Variants in MAGI3 observed in about 807,000 individuals in gnomAD.
MAGI3 encodes membrane-associated guanylate kinase, WW and PDZ domain-containing protein 3.
Under a neutral mutation model 121.8 loss-of-function variants are expected in MAGI3, and 43 were observed. The observed-to-expected ratio is 0.35, with a 90% CI of 0.28 to 0.46. MAGI3 has a LOEUF of 0.46. Ranked by LOEUF, MAGI3 falls within the 20% of genes least tolerant of loss-of-function variation. MAGI3 has a pLI of 1.00. For synonymous variants in MAGI3, 553 were observed against 639.3 expected (o/e 0.86, Z 2.04); for missense variants, 1,547 against 1,797.3 (o/e 0.86, Z 2.52).
At chr1:113,596,928 T>C (rs1288540993) in intron 6 of MAGI3, among the ~76,000 whole-genome samples, 1 of 152,128 alleles carries the variant, frequency 6.6e-6, no homozygotes, top group African/African-American at 2.4e-5. Flanking sequence ...CTTAAAAGGT[T>C]AAATATAAAT....
chr1:113,544,943 A>G (rs549985189), intron 1 of MAGI3, among the ~76,000 whole-genome samples: 2 of 152,336 alleles, frequency 1.3e-5, no homozygotes, highest in Admixed American at 1.3e-4. Flanking sequence ...ATGGAGTATC[A>G]TTCACTTTAA....
At position 113,507,684 on chromosome 1, in the gene MAGI3, T is replaced by C. The variant is rs559628975; in HGVS notation, c.317-41831T>C. Among the ~76,000 whole-genome samples, 10 of 152,356 alleles carry C rather than the reference T, an allele frequency of 6.6e-5. No homozygotes were observed. The South Asian group carries it at 2.1e-3, about 32-fold the overall frequency. ...AATATGGTCATTGTATTACCTTATC[T>C]TTGTATCCTCAGTGCCCACATAGCA... On this transcript the variant is annotated intron_variant, in intron 1 of 20. Transcript: ENST00000307546.
At chr1:113,675,410 C>T (rs1647810865) in intron 19 of MAGI3, among the ~76,000 whole-genome samples, 1 of 152,080 alleles carries the variant, frequency 6.6e-6, no homozygotes, top group Non-Finnish European at 1.5e-5. Context: ...ATCTGTACTA[C>T]GAAAACCATC....
At chr1:113,437,860 CTT>C (rs1653678440) in intron 1 of MAGI3, among the ~76,000 whole-genome samples, 3 of 47,016 alleles carry the variant, frequency 6.4e-5, no homozygotes, top group Non-Finnish European at 8.1e-5. Context: ...TCTTCTTCTT[CTT>C]CCTCTTCTTC....
At chr1:113,657,564 G>A (rs561640555) in intron 15 of MAGI3, among the ~76,000 whole-genome samples, 139 of 152,326 alleles carry the variant, frequency 9.1e-4, no homozygotes, top group Non-Finnish European at 1.7e-3. Flanking sequence ...GGAACTGAAT[G>A]ATTTTCTTCT....
chr1:113,663,062 C>A (rs1050396733), intron 16 of MAGI3, among the ~76,000 whole-genome samples: 2 of 151,980 alleles, frequency 1.3e-5, no homozygotes, highest in African/African-American at 4.8e-5. Flanking sequence ...CCCACCTCTA[C>A]TAAAAATACA....
chr1:113,646,771 T>A, intron 12 of MAGI3, 129 bp downstream of exon 12: 2 of 682,790 alleles, frequency 2.9e-6, no homozygotes, highest in Non-Finnish European at 4.5e-6. Context: ...TTAATAGAAC[T>A]CTGGACTTCT....
At chr1:113,477,695 A>G (rs1039267563) in intron 1 of MAGI3, among the ~76,000 whole-genome samples, 3 of 151,968 alleles carry the variant, frequency 2.0e-5, no homozygotes, top group South Asian at 4.1e-4. Flanking sequence ...GCATCTGACA[A>G]TTATGTGTCT....
chr1:113,576,890 A>G (rs1443911863), intron 2 of MAGI3: 1 of 152,168 alleles, frequency 6.6e-6, no homozygotes, highest in Non-Finnish European at 1.5e-5. Context: ...GGATTAAATA[A>G]ACAGTGAAGT....
At chr1:113,437,899 CTTCT>C (rs1653700634) in intron 1 of MAGI3, among the ~76,000 whole-genome samples, 1 of 3,038 alleles carries the variant, frequency 3.3e-4, no homozygotes, top group Admixed American at 5.2e-3. Flanking sequence ...TCTCCTTCTC[CTTCT>C]CCTTCTCCTT....
At chr1:113,681,098 A>T (rs1439711958) in intron 19 of MAGI3, 100 bp from the exon 20 acceptor site, 63 of 1,407,636 alleles carry the variant, frequency 4.5e-5, no homozygotes, top group Non-Finnish European at 6.1e-5. Flanking sequence ...TACAAACGAA[A>T]GAATCACTTA....
At chr1:113,503,286 G>A (rs1363618236) in intron 1 of MAGI3, among the ~76,000 whole-genome samples, 5 of 86,300 alleles carry the variant, frequency 5.8e-5, no homozygotes, top group Non-Finnish European at 8.3e-5. Context: ...CAGCCTGGGT[G>A]TCAAAGCGAG....
chr1:113,635,905 C>T (rs1252788667), intron 9 of MAGI3, among the ~76,000 whole-genome samples: 1 of 152,018 alleles, frequency 6.6e-6, no homozygotes, highest in East Asian at 1.9e-4. Flanking sequence ...AATTTCAGAG[C>T]CTGTTATTCG....
chr1:113,601,049 C>T (rs934294072), intron 6 of MAGI3, among the ~76,000 whole-genome samples: 3 of 152,022 alleles, frequency 2.0e-5, no homozygotes, highest in Admixed American at 6.6e-5. Context: ...CCCTTCCTTA[C>T]ACCTTATACA....
At chr1:113,521,600 G>T (rs1386492059) in intron 1 of MAGI3, among the ~76,000 whole-genome samples, 1 of 151,438 alleles carries the variant, frequency 6.6e-6, no homozygotes, top group African/African-American at 2.4e-5. Context: ...TAGAGACGGG[G>T]TTTCACCATG....
intron 2 of MAGI3, among the ~76,000 whole-genome samples, chr1:113,550,340 C>T (rs1396643091): frequency 1.9e-4 from 28 of 150,544 alleles, no homozygotes; most frequent in African/African-American, 6.6e-4. Context: ...AGCGTGAACC[C>T]GGGAGGCGGA....
chr1:113,452,579 T>C (rs1654540631), intron 1 of MAGI3, among the ~76,000 whole-genome samples: 1 of 152,148 alleles, frequency 6.6e-6, no homozygotes, highest in Non-Finnish European at 1.5e-5. Context: ...TGCAGTACTG[T>C]GAGTTTGCAC....
intron 1 of MAGI3, among the ~76,000 whole-genome samples, chr1:113,479,945 T>G (rs904761793): frequency 3.3e-5 from 5 of 152,188 alleles, no homozygotes; most frequent in African/African-American, 1.2e-4. Flanking sequence ...TTTGTTTCTT[T>G]TTTGTGGTTT....
intron 9 of MAGI3, among the ~76,000 whole-genome samples, chr1:113,629,757 T>TCTCC (rs1416449345): frequency 0.014 from 1,311 of 95,678 alleles, 8 homozygotes; most frequent in Middle Eastern, 0.018. Flanking sequence ...TCTCTCTCTC[T>TCTCC]CTCTCCCTCC....
Sources: allele counts gnomAD v4.1 joint callset (sites outside exome capture counted in the v4.1 genomes callset), GRCh38; gene constraint gnomAD v4.1.1; transcripts MANE v1.5; gene names NCBI Gene and HGNC (gene_info 2026-07-23, HGNC 2026-07-21).